Variants in ASF1A observed in about 807,000 individuals in gnomAD.
The protein encoded by ASF1A is histone chaperone ASF1A.
A neutral mutation model predicts 22.0 loss-of-function variants in ASF1A; 5 were observed. That is an observed-to-expected ratio of 0.23 (90% CI 0.12 to 0.48). ASF1A has a LOEUF of 0.48. Among genes scored for constraint, ASF1A ranks in the 20% least tolerant of loss-of-function variants. The pLI, the probability that ASF1A is intolerant of heterozygous loss-of-function variation, is 0.99. For synonymous variants in ASF1A, 97 were observed against 86.7 expected (o/e 1.12, Z -0.66); for missense variants, 137 against 240.6 (o/e 0.57, Z 2.85).
chr6:118,908,033 G>T lies in ASF1A; in HGVS notation c.*419G>T. ...AATGTTTCTTCCTGTGAAGACATATGGTATCATTTTAATTTAAGGGGCAGA... is the reference window on the plus strand; with the variant it reads ...AATGTTTCTTCCTGTGAAGACATATTGTATCATTTTAATTTAAGGGGCAGA... On this transcript the variant is annotated 3_prime_UTR_variant, in exon 4 of 4. Coordinates refer to ENST00000229595, the MANE Select transcript of ASF1A (RefSeq NM_014034.3). The T allele has an allele frequency of 6.5e-6, 1 of 154,840 alleles. No individual in the cohort carries two copies. The highest frequency in any genetic ancestry group is 1.4e-5 in the Non-Finnish European group (1 of 69,460). The allele number at this position is 154,840 out of a possible 1,614,324, so 9.6% of individuals were successfully genotyped here. A position where few individuals can be genotyped will look rare whatever the true frequency, so the allele number is the denominator to read the frequency against.
intron 2 of ASF1A, among the ~76,000 whole-genome samples, chr6:118,902,681 T>C (rs895255923): frequency 6.6e-5 from 10 of 152,162 alleles, no homozygotes; most frequent in Admixed American, 1.3e-4. Context: ...TTCAAAAGTA[T>C]TTCCTGCTGG....
Position 118,894,264 on chromosome 6 carries a change from TAAAA to T in ASF1A, c.-148_-145del, listed in dbSNP as rs1328922929. On this transcript the variant is annotated 5_prime_UTR_variant, in exon 1 of 4. Transcript: ENST00000229595. ...ACACTGTGGAGTGCTCCCGTGTAAA[TAAAA>T]AGAGGAAAAAAGTTTCTCAAGTCGC... 1.4e-6 allele frequency: 2 copies of T among 1,457,908 alleles called. No homozygotes were observed. Among genetic ancestry groups the T allele is most frequent in the Non-Finnish European group, 1.8e-6 (2 of 1,111,314 alleles). The allele number at this position is 1,457,908 out of a possible 1,614,324, so 90.3% of individuals were successfully genotyped here. A position where few individuals can be genotyped will look rare whatever the true frequency, so the allele number is the denominator to read the frequency against.
intron 3 of ASF1A, among the ~76,000 whole-genome samples, chr6:118,906,316 G>A (rs1780174671): frequency 6.6e-6 from 1 of 152,016 alleles, no homozygotes; most frequent in South Asian, 2.1e-4. Flanking sequence ...CAAGTGATCT[G>A]CCTACCTTGA....
In ASF1A at chr6:118,908,103, C is replaced by G. The variant is rs1330229435; in HGVS notation, c.*489C>G. 6.5e-6 allele frequency: 1 copy of G among 153,560 alleles called. No homozygotes were observed. Among genetic ancestry groups the G allele is most frequent in the Non-Finnish European group, 1.4e-5 (1 of 69,004 alleles). The allele number at this position is 153,560 out of a possible 1,614,324, so 9.5% of individuals were successfully genotyped here. A position where few individuals can be genotyped will look rare whatever the true frequency, so the allele number is the denominator to read the frequency against. On this transcript the variant is annotated 3_prime_UTR_variant, in exon 4 of 4. Transcript: ENST00000229595. ...TGTCCTTAAAAAGAGGATTTGAAAT[C>G]AACTATATGCTACCAAGAACTTTAG...
rs957231701 is a variant in ASF1A at position 118,908,108 on chromosome 6, A to G, written c.*494A>G. On this transcript the variant is annotated 3_prime_UTR_variant, in exon 4 of 4. Coordinates refer to ENST00000229595, the MANE Select transcript of ASF1A (RefSeq NM_014034.3). ...TTAAAAAGAGGATTTGAAATCAACT[A>G]TATGCTACCAAGAACTTTAGGATCC... is the stretch of plus-strand genomic sequence containing the variant. 6.5e-6 allele frequency: 1 copy of G among 153,562 alleles called. No individual in the cohort carries two copies. The highest frequency in any genetic ancestry group is 2.0e-4 in the South Asian group (1 of 4,924). The allele number at this position is 153,562 out of a possible 1,614,324, so 9.5% of individuals were successfully genotyped here.
Position 118,903,085 on chromosome 6 carries a change from T to G in ASF1A, c.225+2204T>G, listed in dbSNP as rs552838686. 2.6e-5 allele frequency among the ~76,000 whole-genome samples: 4 copies of G among 152,264 alleles called. No homozygotes were observed. In the East Asian group the frequency reaches 7.7e-4, roughly 29 times the overall value. Reference sequence around the variant, plus strand: ...CTTTTTCAAATTGTAAAATGCTTTTTAAAAGATGTTTTATATTTACAACAG... The same window carrying G: ...CTTTTTCAAATTGTAAAATGCTTTTGAAAAGATGTTTTATATTTACAACAG... On this transcript the variant is annotated intron_variant, in intron 2 of 3. Transcript: ENST00000229595.
At chr6:118,895,561 AC>A (rs1779336942) in intron 1 of ASF1A, among the ~76,000 whole-genome samples, 1 of 132,784 alleles carries the variant, frequency 7.5e-6, no homozygotes, top group Non-Finnish European at 1.6e-5. Context: ...ATTAAGGTCA[AC>A]TCCTCATGTC....
At position 118,894,488 on chromosome 6, in the gene ASF1A, G is replaced by A. The variant is rs1430185444; in HGVS notation, c.75G>A (p.Glu25=). 7.2e-6 allele frequency: 11 copies of A among 1,537,070 alleles called. No homozygotes were observed. The highest frequency in any genetic ancestry group is 1.7e-4 in the Middle Eastern group (1 of 6,012). The part of the protein sequence containing the change: ...PSPFYNPFQF[E]ITFECIEDLS... ...CTTTCTACAACCCGTTCCAGTTCGAGATCACCTTCGAGTGCATCGAGGACC... is the reference window on the plus strand; with the variant it reads ...CTTTCTACAACCCGTTCCAGTTCGAAATCACCTTCGAGTGCATCGAGGACC... The change falls in exon 1 of 4, where the codon GAG becomes GAA. Residue 25 remains glutamate (E), a synonymous_variant. Coordinates refer to ENST00000229595, the MANE Select transcript of ASF1A (RefSeq NM_014034.3).
rs769501935 is a variant in ASF1A, at chr6:118,894,400, G to A, written c.-14G>A. On this transcript the variant is annotated 5_prime_UTR_variant, in exon 1 of 4. Coordinates refer to ENST00000229595, the MANE Select transcript of ASF1A (RefSeq NM_014034.3). ...ACCAGCCCCAGTTCCCATTGTTTGT[G>A]TTTTTTTCAAAATATGGCAAAGGTT... 2.1e-5 allele frequency: 32 copies of A among 1,536,908 alleles called. No homozygotes were observed. In the South Asian group the frequency reaches 3.8e-4, roughly 18 times the overall value.
intron 1 of ASF1A, among the ~76,000 whole-genome samples, 156 bp downstream of exon 1, chr6:118,894,678 C>T (rs900922553): frequency 7.9e-5 from 12 of 152,172 alleles, no homozygotes; most frequent in African/African-American, 2.9e-4. Flanking sequence ...CGACGGCCGC[C>T]GAGGCGCGCG....
rs33980013 is a variant in ASF1A at position 118,902,528 on chromosome 6, C to CTTT, written c.225+1663_225+1665dup. On this transcript the variant is annotated intron_variant, in intron 2 of 3. Transcript: ENST00000229595. ...CCTGGGTTGACAGGTACTGATAATA[C>CTTT]TTTTTTTTTTTTTTTTTTGGCTACT... Among the ~76,000 whole-genome samples the CTTT allele has an allele frequency of 7.8e-4, 103 of 131,456 alleles. 1 individual carries two copies. Among genetic ancestry groups the CTTT allele is most frequent in the African/African-American group, 2.6e-3 (91 of 35,198 alleles). 86.2% of individuals were successfully genotyped at this position (131,456 alleles called of 152,430 possible). A position where few individuals can be genotyped will look rare whatever the true frequency, so the allele number is the denominator to read the frequency against.
intron 2 of ASF1A, 58 bp downstream of exon 2, chr6:118,900,939 T>A: frequency 8.4e-7 from 1 of 1,185,198 alleles, no homozygotes; most frequent in Admixed American, 1.7e-5. Context: ...GACTATATTA[T>A]CTATTATCTT....
chr6:118,902,320 A>G (rs1047490779), intron 2 of ASF1A, among the ~76,000 whole-genome samples: 4 of 152,174 alleles, frequency 2.6e-5, no homozygotes, highest in Non-Finnish European at 5.9e-5. Flanking sequence ...TCTCATTAAA[A>G]TGTTATGGGG....
At chr6:118,895,441 A>G (rs1779327320) in intron 1 of ASF1A, among the ~76,000 whole-genome samples, 1 of 152,210 alleles carries the variant, frequency 6.6e-6, no homozygotes, top group African/African-American at 2.4e-5. Flanking sequence ...TCTCTGCCTT[A>G]TAAATAGTCT....
intron 1 of ASF1A, among the ~76,000 whole-genome samples, chr6:118,894,867 C>T (rs539381115): frequency 6.6e-6 from 1 of 152,140 alleles, no homozygotes; most frequent in Non-Finnish European, 1.5e-5. Context: ...CCGCCAACAG[C>T]CTCCGCGACC....
chr6:118,907,263 C>T (rs1290631932), intron 3 of ASF1A, 139 bp from the exon 4 acceptor site: 1 of 617,924 alleles, frequency 1.6e-6, no homozygotes, highest in Non-Finnish European at 2.9e-6. Context: ...ATTTAAGGTA[C>T]TTAACTTGAA....
chr6:118,896,478 G>C (rs922258512), intron 1 of ASF1A, among the ~76,000 whole-genome samples: 5 of 152,096 alleles, frequency 3.3e-5, no homozygotes, highest in Non-Finnish European at 7.4e-5. Context: ...ACATTGCATA[G>C]ATGAAACCAG....
chr6:118,906,236 A>G (rs1780170183), intron 3 of ASF1A, among the ~76,000 whole-genome samples: 1 of 151,990 alleles, frequency 6.6e-6, no homozygotes, highest in Non-Finnish European at 1.5e-5. Context: ...ACACGCCCAG[A>G]TAATTTTTGT....
chr6:118,901,024 T>G, intron 2 of ASF1A, 143 bp downstream of exon 2: 1 of 616,606 alleles, frequency 1.6e-6, no homozygotes, highest in South Asian at 2.1e-5. Flanking sequence ...TTCCATCATG[T>G]TTTAGGCAGT....
Sources: allele counts gnomAD v4.1 joint callset (sites outside exome capture counted in the v4.1 genomes callset), GRCh38; gene constraint gnomAD v4.1.1; transcripts MANE v1.5; gene names NCBI Gene and HGNC (gene_info 2026-07-23, HGNC 2026-07-21).